ADD3: variants seen among roughly 807,000 people sequenced by gnomAD.
The protein encoded by ADD3 is gamma-adducin.
In ADD3, 25 loss-of-function variants were observed where a neutral mutation model predicts 80.2. The ratio of observed to expected loss-of-function variants is 0.31; its 90% CI spans 0.23 to 0.44. The LOEUF is 0.44. Ranked by LOEUF, ADD3 falls within the 20% of genes least tolerant of loss-of-function variation. ADD3 has a pLI of 1.00. For synonymous variants in ADD3, 284 were observed against 289.6 expected (o/e 0.98, Z 0.20); for missense variants, 829 against 847.5 (o/e 0.98, Z 0.27).
rs1231278591 is a variant in ADD3, at chr10:110,030,335, AAAAAG to A, written c.-30+22040_-30+22044del. Among the ~76,000 whole-genome samples the A allele has an allele frequency of 3.3e-4, 50 of 151,072 alleles. 2 individuals carry two copies. Among genetic ancestry groups the A allele is most frequent in the Admixed American group, 3.3e-3 (50 of 15,196 alleles). On this transcript the variant is annotated intron_variant, in intron 1 of 14. Transcript: ENST00000356080. ...CGAAACTCCATCTTAAAAAAAAAAA[AAAAAG>A]AAAGTGGTGATTATTATGTGATTGG...
rs202200528 is a variant in ADD3 at position 110,133,320 on chromosome 10, T to C, written c.1829-6T>C. 8.0e-5 allele frequency: 126 copies of C among 1,566,140 alleles called. No homozygotes were observed. Among genetic ancestry groups the C allele is most frequent in the Non-Finnish European group, 1.0e-4 (115 of 1,150,906 alleles). On this transcript the variant is annotated splice_polypyrimidine_tract_variant and splice_region_variant and intron_variant, in intron 14 of 14. Coordinates refer to ENST00000356080, the MANE Select transcript of ADD3 (RefSeq NM_016824.5). ...ATAACCCCCAAAAAACCCTCCCCTT[T>C]CGTAGAAAACCATGAGCTGTTTTCC...
chr10:110,028,394 T>G (rs921885305), intron 1 of ADD3, among the ~76,000 whole-genome samples: 1 of 151,276 alleles, frequency 6.6e-6, no homozygotes, highest in Non-Finnish European at 1.5e-5. Flanking sequence ...GCCAACCTCA[T>G]CCCTACTAAA....
chr10:110,039,624 A>C (rs537157617), intron 1 of ADD3, among the ~76,000 whole-genome samples: 5 of 152,368 alleles, frequency 3.3e-5, no homozygotes, highest in Non-Finnish European at 4.4e-5. Context: ...GCTACATAAC[A>C]AATTACCCCC....
chr10:110,064,428 A>T (rs1285705992), intron 1 of ADD3, among the ~76,000 whole-genome samples: 1 of 152,152 alleles, frequency 6.6e-6, no homozygotes, highest in Non-Finnish European at 1.5e-5. Flanking sequence ...CATTTTAGCC[A>T]CACTGGTAGG....
At chr10:110,095,368 ACTC>A (rs1398061318) in intron 1 of ADD3, among the ~76,000 whole-genome samples, 1 of 151,980 alleles carries the variant, frequency 6.6e-6, no homozygotes, top group African/African-American at 2.4e-5. Flanking sequence ...ATTGGCGGCC[ACTC>A]CTCATTTTCC....
At chr10:110,026,522 C>T (rs1018250956) in intron 1 of ADD3, among the ~76,000 whole-genome samples, 7 of 152,036 alleles carry the variant, frequency 4.6e-5, no homozygotes, top group South Asian at 2.1e-4. Context: ...TCAGGTGATC[C>T]GCCCACCTCG....
At chr10:110,089,915 G>T (rs1847257622) in intron 1 of ADD3, among the ~76,000 whole-genome samples, 1 of 151,988 alleles carries the variant, frequency 6.6e-6, no homozygotes, top group South Asian at 2.1e-4. Context: ...ATTGTAATTG[G>T]TAAATTTGAC....
rs978172192 is a variant in ADD3, at chr10:110,125,702, T to C, written c.1402-124T>C. 6 of 598,128 alleles carry C rather than the reference T, an allele frequency of 1.0e-5. No homozygotes were observed. In the African/African-American group the frequency reaches 1.1e-4, roughly 11 times the overall value. The allele number at this position is 598,128 out of a possible 1,614,324, so 37.1% of individuals were successfully genotyped here. On this transcript the variant is annotated intron_variant, in intron 10 of 14. Coordinates refer to ENST00000356080, the MANE Select transcript of ADD3 (RefSeq NM_016824.5). Reference sequence around the variant, plus strand: ...AGATGAAACTAATTCACCACTAAGATACTGCTTAGTGAAATTATTTAAACA... The same window carrying C: ...AGATGAAACTAATTCACCACTAAGACACTGCTTAGTGAAATTATTTAAACA...
intron 1 of ADD3, among the ~76,000 whole-genome samples, chr10:110,093,162 G>T (rs768439514): frequency 1.3e-5 from 2 of 152,182 alleles, no homozygotes; most frequent in African/African-American, 2.4e-5. Flanking sequence ...CCTGGCCAGA[G>T]TTGTAAAGGA....
chr10:110,025,749 T>C (rs1474432829), intron 1 of ADD3, among the ~76,000 whole-genome samples: 1 of 152,180 alleles, frequency 6.6e-6, no homozygotes, highest in Non-Finnish European at 1.5e-5. Context: ...CAGTGCTTTT[T>C]TCACTTCATT....
At chr10:110,096,839 T>C (rs1848228024) in intron 1 of ADD3, among the ~76,000 whole-genome samples, 2 of 152,224 alleles carry the variant, frequency 1.3e-5, no homozygotes, top group South Asian at 4.1e-4. Flanking sequence ...CTTGAGGCCG[T>C]CTTTGAAAAA....
intron 1 of ADD3, among the ~76,000 whole-genome samples, chr10:110,056,773 A>T (rs1858245038): frequency 6.6e-6 from 1 of 152,216 alleles, no homozygotes; most frequent in Admixed American, 6.5e-5. Context: ...AAATTCTAAG[A>T]TCTCTATAGC....
chr10:110,095,722 T>G (rs1848072536), intron 1 of ADD3, among the ~76,000 whole-genome samples: 1 of 152,084 alleles, frequency 6.6e-6, no homozygotes, highest in Admixed American at 6.5e-5. Context: ...TGTCTTTGAG[T>G]AGACAAATGA....
chr10:110,115,978 A>C (rs534438001), intron 3 of ADD3, among the ~76,000 whole-genome samples: 1 of 152,242 alleles, frequency 6.6e-6, no homozygotes, highest in East Asian at 1.9e-4. Flanking sequence ...ATGTGTAACC[A>C]TTTTTCCCCA....
chr10:110,052,335 C>T (rs905634832), intron 1 of ADD3, among the ~76,000 whole-genome samples: 2 of 152,160 alleles, frequency 1.3e-5, no homozygotes, highest in Admixed American at 6.5e-5. Context: ...ATTCCCTGGG[C>T]CCCGGACCAG....
intron 1 of ADD3, among the ~76,000 whole-genome samples, chr10:110,021,504 T>A (rs1006190140): frequency 1.3e-5 from 2 of 152,240 alleles, no homozygotes; most frequent in African/African-American, 4.8e-5. Flanking sequence ...AAATGCGGTA[T>A]CCATGCAGTG....
intron 1 of ADD3, among the ~76,000 whole-genome samples, chr10:110,025,900 ATC>A (rs1252601735): frequency 6.6e-6 from 1 of 152,062 alleles, no homozygotes; most frequent in East Asian, 1.9e-4. Context: ...TTTTCAAGAT[ATC>A]TGTTTTTCCC....
chr10:110,007,735 C>A (rs1851775018), upstream of ADD3, among the ~76,000 whole-genome samples: 1 of 151,954 alleles, frequency 6.6e-6, no homozygotes, highest in Non-Finnish European at 1.5e-5. Flanking sequence ...GAGGGGGCTG[C>A]GGGGGCGGGA....
chr10:110,131,575 T>C (rs1853001715), intron 13 of ADD3, among the ~76,000 whole-genome samples: 1 of 152,266 alleles, frequency 6.6e-6, no homozygotes, highest in African/African-American at 2.4e-5. Context: ...GAAGAACTAA[T>C]GACATCTTGA....
Sources: allele counts gnomAD v4.1 joint callset (sites outside exome capture counted in the v4.1 genomes callset), GRCh38; gene constraint gnomAD v4.1.1; transcripts MANE v1.5; gene names NCBI Gene and HGNC (gene_info 2026-07-23, HGNC 2026-07-21).